MIER1: variants seen among roughly 807,000 people sequenced by gnomAD.
MIER1 encodes the protein mesoderm induction early response protein 1.
Under a neutral mutation model 75.7 loss-of-function variants are expected in MIER1, and 40 were observed. That is an observed-to-expected ratio of 0.53 (90% confidence interval 0.41 to 0.69). The LOEUF (loss-of-function observed/expected upper bound fraction) is 0.69. MIER1 is among the 30% of genes least tolerant of loss of function. The pLI is 0.00. For missense variants in MIER1, 574 were observed against 680.2 expected (o/e 0.84, Z 1.74); for synonymous variants, 213 against 223.4 (o/e 0.95, Z 0.42).
chr1:66,945,316 T>TATATATATATAA (rs1657339822), intron 3 of MIER1, among the ~76,000 whole-genome samples: 1 of 106,764 alleles, frequency 9.4e-6, no homozygotes, highest in Non-Finnish European at 2.0e-5. Context: ...TATATATATA[T>TATATATATATAA]AAAATACCTA....
At chr1:66,939,588 T>C (rs1451611777) in intron 2 of MIER1, among the ~76,000 whole-genome samples, 1 of 152,160 alleles carries the variant, frequency 6.6e-6, no homozygotes, top group African/African-American at 2.4e-5. Context: ...TGAGATAGTG[T>C]CCTAAATTGT....
chr1:66,957,679 T>C (rs1256634136), intron 4 of MIER1, among the ~76,000 whole-genome samples: 1 of 151,716 alleles, frequency 6.6e-6, no homozygotes, highest in Non-Finnish European at 1.5e-5. Context: ...TATTTCTCAT[T>C]GTTCTATTTC....
intron 2 of MIER1, chr1:66,930,509 G>C: frequency 8.6e-7 from 1 of 1,164,668 alleles, no homozygotes; most frequent in Non-Finnish European, 1.2e-6. Flanking sequence ...TGCTGGCGCC[G>C]CTGCCCACCT....
intron 7 of MIER1, chr1:66,960,179 T>C (rs1438184408): frequency 6.6e-6 from 1 of 152,282 alleles, no homozygotes; most frequent in East Asian, 1.9e-4. Context: ...TTCAATATTA[T>C]GGAAAGCATT....
chr1:66,949,943 C>T (rs889463986), intron 4 of MIER1, among the ~76,000 whole-genome samples: 5 of 151,578 alleles, frequency 3.3e-5, no homozygotes, highest in Non-Finnish European at 5.9e-5. Context: ...AAAACTAACT[C>T]GAAAGAAGTT....
intron 4 of MIER1, chr1:66,948,098 T>A: frequency 1.1e-6 from 1 of 927,796 alleles, no homozygotes; most frequent in Non-Finnish European, 1.3e-6. Flanking sequence ...TGTCTGTACC[T>A]CCACTGGTTT....
Position 66,970,867 on chromosome 1 carries a change from A to G in MIER1, c.832A>G (p.Ile278Val). The G allele has an allele frequency of 6.3e-7, 1 of 1,598,376 alleles. No homozygotes were observed. Among genetic ancestry groups the G allele is most frequent in the Non-Finnish European group, 8.5e-7 (1 of 1,174,916 alleles). ...DPEYLPEDKV[I>V]IFLKDASRRT... The stretch of plus-strand genomic sequence containing the variant: ...TGAGTACTTACCAGAAGATAAAGTG[A>G]TTATATTTCTTAAAGATGCATCTAG... The change falls in exon 9 of 14, where the codon ATT becomes GTT. Residue 278 changes from isoleucine to valine, a missense_variant. Physicochemically the swap from Ile to Val is conservative, Grantham distance 29. This residue lies in a region of MIER1 where 309 missense variants were observed against 352.8 expected (regional missense o/e 0.88). Transcript: ENST00000401041.
In MIER1 at chr1:66,988,328, CTCTCT is replaced by C. The variant is rs1172618751; in HGVS notation, c.*3432_*3436del. 2 of 152,254 alleles carry C rather than the reference CTCTCT, an allele frequency of 1.3e-5. No individual in the cohort carries two copies. The highest frequency in any genetic ancestry group is 4.8e-5 in the African/African-American group (2 of 41,422). The allele number at this position is 152,254 out of a possible 1,614,324, so 9.4% of individuals were successfully genotyped here. A position where few individuals can be genotyped will look rare whatever the true frequency, so the allele number is the denominator to read the frequency against. On this transcript the variant is annotated 3_prime_UTR_variant, in exon 14 of 14. Coordinates refer to ENST00000401041, the MANE Select transcript of MIER1 (RefSeq NM_001077700.3). ...TACAACTTTTTACCGTAAAAATTAA[CTCTCT>C]TCTTTAATATCAAGTTCATCCTTTG... is the stretch of plus-strand genomic sequence containing the variant.
At position 66,947,012 on chromosome 1, in the gene MIER1, C is replaced by G. The variant is rs950500222; in HGVS notation, c.339+717C>G. 4 of 985,002 alleles carry G rather than the reference C, an allele frequency of 4.1e-6. No homozygotes were observed. The East Asian group carries it at 4.5e-4, about 112-fold the overall frequency. 61.0% of individuals were successfully genotyped at this position (985,002 alleles called of 1,614,324 possible). On this transcript the variant is annotated intron_variant, in intron 4 of 13. Transcript: ENST00000401041. ...TTCTTTTTTTCTCTCCTGTCTCTGTCTGGATCAGTGCTCCTCAAAATGTAG... is the reference window on the plus strand; with the variant it reads ...TTCTTTTTTTCTCTCCTGTCTCTGTGTGGATCAGTGCTCCTCAAAATGTAG...
At chr1:66,953,058 A>G (rs1001496196) in intron 4 of MIER1, among the ~76,000 whole-genome samples, 1 of 152,254 alleles carries the variant, frequency 6.6e-6, no homozygotes, top group African/African-American at 2.4e-5. Context: ...ATAAAACTCC[A>G]GAAACAAAGT....
At chr1:66,952,943 G>T (rs1184521149) in intron 4 of MIER1, among the ~76,000 whole-genome samples, 1 of 152,184 alleles carries the variant, frequency 6.6e-6, no homozygotes, top group Non-Finnish European at 1.5e-5. Context: ...TGTCCCACCT[G>T]ACTTGTCTTT....
chr1:66,977,307 A>C (rs1286879194), intron 12 of MIER1, among the ~76,000 whole-genome samples: 1 of 151,968 alleles, frequency 6.6e-6, no homozygotes. Context: ...ACGGGGTTTC[A>C]CTGTGTTGAC....
At chr1:66,948,214 G>A (rs1326192837) in intron 4 of MIER1, 4 of 937,174 alleles carry the variant, frequency 4.3e-6, no homozygotes, top group Non-Finnish European at 5.1e-6. Flanking sequence ...TATCAGTCTG[G>A]TATGTTCTAA....
At position 66,938,290 on chromosome 1, in the gene MIER1, A is replaced by G. The variant is rs72673704; in HGVS notation, c.169-1738A>G. On this transcript the variant is annotated intron_variant, in intron 2 of 13. Coordinates refer to ENST00000401041, the MANE Select transcript of MIER1 (RefSeq NM_001077700.3). ...TTGTTAATATCTAACATCAATAAAAATGTAACTTTTATTCTTCAGTAACTT... is the reference window on the plus strand; with the variant it reads ...TTGTTAATATCTAACATCAATAAAAGTGTAACTTTTATTCTTCAGTAACTT... 5.2e-3 allele frequency among the ~76,000 whole-genome samples: 789 copies of G among 152,344 alleles called. 2 individuals carry two copies. Among genetic ancestry groups the G allele is most frequent in the Middle Eastern group, 0.017 (5 of 294 alleles).
intron 4 of MIER1, among the ~76,000 whole-genome samples, chr1:66,953,720 C>T (rs959454809): frequency 2.0e-5 from 3 of 151,844 alleles, no homozygotes; most frequent in African/African-American, 7.3e-5. Context: ...TCTCCTGCCT[C>T]AGCCTCCTGA....
chr1:66,953,244 G>A lies in MIER1; in HGVS notation c.340-4815G>A, dbSNP rs145150848. Among the ~76,000 whole-genome samples, 6 of 152,302 alleles carry A rather than the reference G, an allele frequency of 3.9e-5. No individual in the cohort carries two copies. In the East Asian group the frequency reaches 1.2e-3, roughly 29 times the overall value. On this transcript the variant is annotated intron_variant, in intron 4 of 13. Transcript: ENST00000401041. ...AGTACAGAAGTAGAGAGTAGGAGAG[G>A]CTTGGAGGGGAAATAATAAATAATC... is the stretch of plus-strand genomic sequence containing the variant.
At position 66,958,191 on chromosome 1, in the gene MIER1, GACA is replaced by G; in HGVS notation, c.476_478del (p.Asn159del). Reference sequence around the variant, plus strand: ...AGATGATGAAGATGCTGATAATGATGACAACAGTGGCTGTAGTGGGGAAAATAA... The same window carrying G: ...AGATGATGAAGATGCTGATAATGATGACAGTGGCTGTAGTGGGGAAAATAA... On this transcript the variant is annotated inframe_deletion, in exon 5 of 14. Transcript: ENST00000401041. 1 of 1,604,042 alleles carries G rather than the reference GACA, an allele frequency of 6.2e-7. No individual in the cohort carries two copies. Among genetic ancestry groups the G allele is most frequent in the Non-Finnish European group, 8.5e-7 (1 of 1,171,162 alleles).
chr1:66,984,567 C>A lies in MIER1; in HGVS notation c.1370-5C>A. ...GTGGTTTCATTTATATTTCTTTCAA[C>A]TTAGGAGTGTCATCTAATGGACCAG... On this transcript the variant is annotated splice_polypyrimidine_tract_variant and splice_region_variant and intron_variant, in intron 13 of 13. Transcript: ENST00000401041. 1 of 1,568,010 alleles carries A rather than the reference C, an allele frequency of 6.4e-7. No homozygotes were observed. Among genetic ancestry groups the A allele is most frequent in the Non-Finnish European group, 8.6e-7 (1 of 1,159,304 alleles).
At chr1:66,931,682 T>C (rs1013028614) in intron 2 of MIER1, among the ~76,000 whole-genome samples, 5 of 152,196 alleles carry the variant, frequency 3.3e-5, no homozygotes, top group African/African-American at 4.8e-5. Flanking sequence ...TCCAGGCACA[T>C]GAATTGGAGA....
Sources: gnomAD v4.1 joint callset for allele counts (sites outside exome capture counted in the v4.1 genomes callset) on GRCh38, gnomAD v4.1.1 for gene constraint, gnomAD v4.1.1 regional missense constraint, MANE v1.5 for transcripts, NCBI Gene and HGNC (gene_info 2026-07-23, HGNC 2026-07-21) for gene names.